Variants in C1orf87 observed in about 807,000 individuals in gnomAD.
C1orf87 encodes uncharacterized protein C1orf87.
C1orf87 carries 58 observed loss-of-function variants against 60.5 expected under a neutral mutation model. The ratio of observed to expected loss-of-function variants is 0.96; its 90% CI spans 0.78 to 1.19. C1orf87 has a LOEUF of 1.19. Ranked by LOEUF, C1orf87 falls within the 50% of genes most tolerant of loss-of-function variation. The pLI is 0.00. For missense variants in C1orf87, 673 were observed against 638.6 expected, an observed-to-expected ratio of 1.05 and a Z score of -0.58; for synonymous variants, 236 against 227.4, an observed-to-expected ratio of 1.04 and a Z score of -0.34.
chr1:60,029,595 C>T (rs1645222182), intron 7 of C1orf87, among the ~76,000 whole-genome samples: 1 of 149,870 alleles, frequency 6.7e-6, no homozygotes, highest in Non-Finnish European at 1.5e-5. Context: ...ATTGCGACTT[C>T]TACCGAGAAC....
intron 5 of C1orf87, among the ~76,000 whole-genome samples, chr1:60,038,543 AT>A (rs1299168257): frequency 2.0e-5 from 3 of 152,112 alleles, no homozygotes; most frequent in Non-Finnish European, 4.4e-5. Context: ...ATGAAAAAAA[AT>A]AACTTTTTGT....
intron 2 of C1orf87, among the ~76,000 whole-genome samples, chr1:60,055,895 G>GAA (rs147776737): frequency 2.0e-4 from 29 of 147,000 alleles, no homozygotes; most frequent in South Asian, 8.6e-4. Flanking sequence ...TTAGAGAAAA[G>GAA]AAAAAAAAAA....
chr1:60,001,118 G>T lies in C1orf87; in HGVS notation c.1231C>A (p.Pro411Thr). 6.2e-7 allele frequency: 1 copy of T among 1,605,522 alleles called. No individual in the cohort carries two copies. The highest frequency in any genetic ancestry group is 8.5e-7 in the Non-Finnish European group (1 of 1,176,092). ...CTTTGAGACATCTCGGGGACTTCAG[G>T]CTCCATTGGAGGGGCAGGGGCTTTC... is the stretch of plus-strand genomic sequence containing the variant. ...EKKAPAPPME[P>T]EVPEMSQSKT... The change falls in exon 10 of 12, where the codon CCT (proline) becomes ACT (threonine). Residue 411 changes from proline (P) to threonine (T), a missense_variant. Pro to Thr is a conservative substitution (Grantham distance 38, BLOSUM62 -1). Transcript: ENST00000371201.
At chr1:60,036,846 T>C (rs2100291282) in intron 6 of C1orf87, among the ~76,000 whole-genome samples, 1 of 152,356 alleles carries the variant, frequency 6.6e-6, no homozygotes, top group African/African-American at 2.4e-5. Flanking sequence ...ATGAAGTGAC[T>C]ATGGATGCCT....
At chr1:60,037,531 C>T (rs765797980) in intron 6 of C1orf87, among the ~76,000 whole-genome samples, 7 of 152,098 alleles carry the variant, frequency 4.6e-5, no homozygotes, top group East Asian at 1.9e-4. Context: ...GAGATAAACC[C>T]GCTTTTTACA....
chr1:60,030,715 A>T (rs1645232019), intron 7 of C1orf87, among the ~76,000 whole-genome samples: 1 of 152,254 alleles, frequency 6.6e-6, no homozygotes, highest in East Asian at 1.9e-4. Flanking sequence ...TTGAATCTAC[A>T]TCTGACTTGG....
chr1:60,073,176 A>C (rs921371904), intron 1 of C1orf87, among the ~76,000 whole-genome samples: 7 of 152,226 alleles, frequency 4.6e-5, no homozygotes, highest in African/African-American at 1.7e-4. Context: ...ATCTGAAGGG[A>C]GACTGTACAC....
chr1:60,012,731 G>T (rs992783431), intron 8 of C1orf87, among the ~76,000 whole-genome samples: 3 of 152,090 alleles, frequency 2.0e-5, no homozygotes, highest in Non-Finnish European at 4.4e-5. Flanking sequence ...AGTTAAAATG[G>T]CATGGAGTGA....
intron 10 of C1orf87, among the ~76,000 whole-genome samples, chr1:60,000,205 C>T (rs1258969812): frequency 6.6e-6 from 1 of 152,124 alleles, no homozygotes; most frequent in African/African-American, 2.4e-5. Context: ...CAGACCCCTG[C>T]TTCAATTTGC....
chr1:59,994,627 GT>G (rs112641415), intron 11 of C1orf87, among the ~76,000 whole-genome samples: 4,298 of 150,862 alleles, frequency 0.028, 200 homozygotes, highest in African/African-American at 0.1. Flanking sequence ...CTTAACCACT[GT>G]TTTTTTTTCT....
chr1:60,019,237 AG>A (rs1161277190), intron 8 of C1orf87, among the ~76,000 whole-genome samples: 1 of 152,276 alleles, frequency 6.6e-6, no homozygotes, highest in East Asian at 1.9e-4. Context: ...ATAGTTTAAA[AG>A]TGTGGCACGT....
chr1:60,057,630 G>A (rs901403554), intron 2 of C1orf87, among the ~76,000 whole-genome samples: 2 of 152,164 alleles, frequency 1.3e-5, no homozygotes, highest in Non-Finnish European at 2.9e-5. Context: ...GGTTAAGGTT[G>A]TAGAAAAATA....
chr1:60,055,241 A>G lies in C1orf87; in HGVS notation c.305T>C (p.Leu102Pro). 1 of 1,613,998 alleles carries G rather than the reference A, an allele frequency of 6.2e-7. No homozygotes were observed. Among genetic ancestry groups the G allele is most frequent in the Non-Finnish European group, 8.5e-7 (1 of 1,179,958 alleles). The change falls in exon 3 of 12, where the codon CTA becomes CCA. Residue 102 changes from leucine (L) to proline (P), a missense_variant. Physicochemically the swap from Leu to Pro is moderately conservative, Grantham distance 98. Coordinates refer to ENST00000371201, the MANE Select transcript of C1orf87 (RefSeq NM_152377.3). ...GAATCTGCTACTGTTTGCCCCTGTT[A>G]GTAGTTTCTGGTTGTTTTCTGATTT... is the stretch of plus-strand genomic sequence containing the variant. ...NQKSENNQKL[L>P]TGANSSRFLD...
chr1:60,062,884 A>G (rs918772841), intron 2 of C1orf87, among the ~76,000 whole-genome samples: 1 of 152,160 alleles, frequency 6.6e-6, no homozygotes, highest in Non-Finnish European at 1.5e-5. Flanking sequence ...TAAAACATCT[A>G]TTTAATATTT....
chr1:60,008,801 C>G, intron 9 of C1orf87: 1 of 424,226 alleles, frequency 2.4e-6, no homozygotes, highest in Non-Finnish European at 4.7e-6. Context: ...AGTGCAGCCA[C>G]CTTCTTAGAG....
chr1:60,042,075 A>G (rs180807866), intron 3 of C1orf87, among the ~76,000 whole-genome samples: 2 of 152,216 alleles, frequency 1.3e-5, no homozygotes, highest in East Asian at 3.9e-4. Flanking sequence ...TGAGGTCCTC[A>G]AGTAGCCCGA....
chr1:60,008,446 T>C (rs1276783302), intron 9 of C1orf87, among the ~76,000 whole-genome samples: 1 of 152,010 alleles, frequency 6.6e-6, no homozygotes. Context: ...CAAATTTATA[T>C]GTTGAATCCC....
intron 2 of C1orf87, among the ~76,000 whole-genome samples, chr1:60,060,160 CA>C (rs1021228334): frequency 6.7e-6 from 1 of 149,010 alleles, no homozygotes; most frequent in Non-Finnish European, 1.5e-5. Flanking sequence ...TCGAAAAGAT[CA>C]AAAAAATATG....
At chr1:60,002,669 G>A (rs1180502643) in intron 9 of C1orf87, among the ~76,000 whole-genome samples, 1 of 151,964 alleles carries the variant, frequency 6.6e-6, no homozygotes, top group Non-Finnish European at 1.5e-5. Context: ...GTCTTTTGTT[G>A]CCATTGCTTT....
Sources: allele counts gnomAD v4.1 joint callset (sites outside exome capture counted in the v4.1 genomes callset), GRCh38; gene constraint gnomAD v4.1.1; transcripts MANE v1.5; gene names NCBI Gene and HGNC (gene_info 2026-07-23, HGNC 2026-07-21).